XXYLT1: variants seen among roughly 807,000 people sequenced by gnomAD.
XXYLT1 encodes the protein UDP-xylose:alpha-xyloside alpha-1,3-xylosyltransferase.
A neutral mutation model predicts 28.9 loss-of-function variants in XXYLT1; 20 were observed. The ratio of observed to expected loss-of-function variants is 0.69; its 90% CI spans 0.49 to 1.00. The LOEUF (loss-of-function observed/expected upper bound fraction) is 1.00, where lower values mean the gene tolerates loss of function less well. Ranked by LOEUF, XXYLT1 falls within the 50% of genes least tolerant of loss-of-function variation. The probability of loss-of-function intolerance (pLI) is 0.00; values close to 1 mark genes in which losing one functional copy is unlikely to be tolerated. For missense variants in XXYLT1, 542 were observed against 560.1 expected (o/e 0.97, Z 0.33); for synonymous variants, 257 against 253.8 (o/e 1.01, Z -0.12).
At chr3:195,181,021 A>C (rs541326418) in intron 2 of XXYLT1, among the ~76,000 whole-genome samples, 100 of 152,324 alleles carry the variant, frequency 6.6e-4, no homozygotes, top group African/African-American at 2.3e-3. Context: ...CGTGAGAGGG[A>C]AAGACAAGGC....
intron 1 of XXYLT1, among the ~76,000 whole-genome samples, chr3:195,263,616 A>C (rs1725757468): frequency 6.6e-6 from 1 of 152,162 alleles, no homozygotes; most frequent in Admixed American, 6.5e-5. Context: ...CCGGCCTCCA[A>C]AACCTCAAGC....
At chr3:195,084,510 C>T (rs1195907813) in intron 3 of XXYLT1, among the ~76,000 whole-genome samples, 2 of 152,216 alleles carry the variant, frequency 1.3e-5, no homozygotes, top group African/African-American at 4.8e-5. Flanking sequence ...TGCCTGCAGC[C>T]TTTCCCACCA....
intron 3 of XXYLT1, among the ~76,000 whole-genome samples, chr3:195,072,387 T>C (rs1351603496): frequency 2.0e-5 from 3 of 152,140 alleles, no homozygotes; most frequent in Non-Finnish European, 4.4e-5. Context: ...CAGGTATCCT[T>C]ACCAACCTCG....
chr3:195,199,610 C>CAA (rs1484040956), intron 2 of XXYLT1, among the ~76,000 whole-genome samples: 1,909 of 149,280 alleles, frequency 0.013, 41 homozygotes, highest in African/African-American at 0.045. Flanking sequence ...GACTCGGTCT[C>CAA]AAAAGAAAAA....
At position 195,169,852 on chromosome 3, in the gene XXYLT1, CAT is replaced by C. The variant is rs1219186667; in HGVS notation, c.653-13273_653-13272del. 9.1e-4 allele frequency among the ~76,000 whole-genome samples: 132 copies of C among 145,284 alleles called. 4 individuals carry two copies. The highest frequency in any genetic ancestry group is 3.5e-3 in the Middle Eastern group (1 of 284). On this transcript the variant is annotated intron_variant, in intron 2 of 3. Transcript: ENST00000310380. The stretch of plus-strand genomic sequence containing the variant: ...ATGTATATTAATGTGTGTGTGTGTA[CAT>C]ATATATATATATATATTTTTTTTTT...
intron 3 of XXYLT1, among the ~76,000 whole-genome samples, chr3:195,073,449 T>C (rs1190482680): frequency 6.6e-6 from 1 of 152,198 alleles, no homozygotes; most frequent in African/African-American, 2.4e-5. Flanking sequence ...TTCTGAGTCC[T>C]GGAGCATCCA....
chr3:195,085,226 G>A (rs1715654327), intron 3 of XXYLT1, among the ~76,000 whole-genome samples: 2 of 152,234 alleles, frequency 1.3e-5, no homozygotes, highest in African/African-American at 2.4e-5. Flanking sequence ...AGGAGCACGG[G>A]CTTTGGAGAG....
At position 195,193,019 on chromosome 3, in the gene XXYLT1, C is replaced by T. The variant is rs555266257; in HGVS notation, c.652+33690G>A. On this transcript the variant is annotated intron_variant, in intron 2 of 3. Transcript: ENST00000310380. The stretch of plus-strand genomic sequence containing the variant: ...ATCCATTCCTGGCCAGGCACGATGG[C>T]TCACACCTGTAATCCTAGCACTTTA... 2.0e-5 allele frequency among the ~76,000 whole-genome samples: 3 copies of T among 152,268 alleles called. No individual in the cohort carries two copies. The East Asian group carries it at 5.8e-4, about 29-fold the overall frequency.
intron 2 of XXYLT1, among the ~76,000 whole-genome samples, chr3:195,214,448 C>T (rs1723469148): frequency 6.6e-6 from 1 of 152,138 alleles, no homozygotes; most frequent in African/African-American, 2.4e-5. Context: ...AGCCCCCACC[C>T]CCGTCAATCC....
At chr3:195,213,295 G>T (rs1279877065) in intron 2 of XXYLT1, among the ~76,000 whole-genome samples, 1 of 140,710 alleles carries the variant, frequency 7.1e-6, no homozygotes, top group Non-Finnish European at 1.5e-5. Context: ...ACGGAGCTTC[G>T]CTCTTGTTGC....
In XXYLT1 at chr3:195,257,237, C is replaced by T. The variant is rs917878097; in HGVS notation, c.504+13318G>A. ...GGCTGCACTCACACCCCACTGCCCACCGTGTTGGCATCCAGCTCCTCCAGT... is the reference window on the plus strand; with the variant it reads ...GGCTGCACTCACACCCCACTGCCCATCGTGTTGGCATCCAGCTCCTCCAGT... On this transcript the variant is annotated intron_variant, in intron 1 of 3. Coordinates refer to ENST00000310380, the MANE Select transcript of XXYLT1 (RefSeq NM_152531.5). The surrounding 1 kb of genome is among the most constrained non-coding windows in gnomAD (Gnocchi z 4.3). Among the ~76,000 whole-genome samples the T allele has an allele frequency of 1.3e-5, 2 of 152,230 alleles. No individual in the cohort carries two copies. Among genetic ancestry groups the T allele is most frequent in the Non-Finnish European group, 2.9e-5 (2 of 68,040 alleles).
chr3:195,151,866 A>C (rs1172418518), intron 3 of XXYLT1, among the ~76,000 whole-genome samples: 2 of 123,052 alleles, frequency 1.6e-5, no homozygotes, highest in East Asian at 5.7e-4. Flanking sequence ...AACACAAAAG[A>C]GGAGTGAAGA....
At chr3:195,127,911 T>A (rs1718717769) in intron 3 of XXYLT1, among the ~76,000 whole-genome samples, 1 of 152,184 alleles carries the variant, frequency 6.6e-6, no homozygotes, top group South Asian at 2.1e-4. Flanking sequence ...TTGAAAGAGG[T>A]AATTGTGCAA....
intron 3 of XXYLT1, among the ~76,000 whole-genome samples, chr3:195,149,083 A>G (rs180818000): frequency 1.4e-4 from 21 of 152,362 alleles, no homozygotes; most frequent in Admixed American, 1.3e-3. Flanking sequence ...CATAGTAAAA[A>G]GAAAAATCAT....
chr3:195,183,570 C>T (rs1445541619), intron 2 of XXYLT1: 1 of 151,864 alleles, frequency 6.6e-6, no homozygotes, highest in Admixed American at 6.6e-5. Flanking sequence ...ATTGGTCTGT[C>T]CTTTGGGTCT....
At chr3:195,104,379 T>C (rs1444238456) in intron 3 of XXYLT1, among the ~76,000 whole-genome samples, 1 of 152,152 alleles carries the variant, frequency 6.6e-6, no homozygotes, top group Admixed American at 6.5e-5. Flanking sequence ...ATTCCTCAGC[T>C]TAAGTTCTTC....
At chr3:195,164,022 G>A (rs1366031224) in intron 2 of XXYLT1, among the ~76,000 whole-genome samples, 1 of 152,240 alleles carries the variant, frequency 6.6e-6, no homozygotes, top group African/African-American at 2.4e-5. Context: ...ACGACACTTA[G>A]CTACAATGAA....
At chr3:195,071,114 A>T (rs1160496935) in intron 3 of XXYLT1, among the ~76,000 whole-genome samples, 1 of 152,156 alleles carries the variant, frequency 6.6e-6, no homozygotes, top group Non-Finnish European at 1.5e-5. Context: ...AGAGGCGTCC[A>T]AGCCCACACC....
At chr3:195,130,458 C>T (rs1022065025) in intron 3 of XXYLT1, among the ~76,000 whole-genome samples, 1 of 152,168 alleles carries the variant, frequency 6.6e-6, no homozygotes, top group Non-Finnish European at 1.5e-5. Flanking sequence ...GTGGAGACAC[C>T]AGGTAAGATT....
Sources: gnomAD v4.1 joint callset for allele counts (sites outside exome capture counted in the v4.1 genomes callset) on GRCh38, gnomAD v4.1.1 for gene constraint, Gnocchi (gnomAD v3.1) non-coding constraint, MANE v1.5 for transcripts, NCBI Gene and HGNC (gene_info 2026-07-23, HGNC 2026-07-21) for gene names.